The following SEPTIN9 variants were observed in gnomAD, a reference collection of about 807,000 sequenced individuals.
SEPTIN9 encodes septin 9, also known as septin-9.
Under a neutral mutation model 56.6 loss-of-function variants are expected in SEPTIN9, and 13 were observed. The ratio of observed to expected loss-of-function variants is 0.23; its 90% CI spans 0.15 to 0.37. The LOEUF (loss-of-function observed/expected upper bound fraction) is 0.37, where lower values mean the gene tolerates loss of function less well. Among genes scored for constraint, SEPTIN9 ranks in the 10% least tolerant of loss-of-function variants. The pLI is 1.00. For missense variants in SEPTIN9, 650 were observed against 823.1 expected (o/e 0.79, Z 2.57); for synonymous variants, 332 against 334.1 (o/e 0.99, Z 0.07).
At chr17:77,353,635 G>A (rs540957700) in intron 2 of SEPTIN9, among the ~76,000 whole-genome samples, 6 of 152,224 alleles carry the variant, frequency 3.9e-5, no homozygotes, top group Non-Finnish European at 7.4e-5. Flanking sequence ...GTCTACTAGA[G>A]GGGCCTCCAG....
chr17:77,288,195 T>C, intron 1 of SEPTIN9: 1 of 1,054,376 alleles, frequency 9.5e-7, no homozygotes, highest in Non-Finnish European at 1.1e-6. Flanking sequence ...GGGATGTGGC[T>C]TCAGTCTCTG....
rs972467582 is a variant in SEPTIN9 at position 77,330,460 on chromosome 17, C to T, written c.76+23263C>T. 6.6e-6 allele frequency among the ~76,000 whole-genome samples: 1 copy of T among 152,212 alleles called. No individual in the cohort carries two copies. The highest frequency in any genetic ancestry group is 2.4e-5 in the African/African-American group (1 of 41,448). On this transcript the variant is annotated intron_variant, in intron 2 of 11. Coordinates refer to ENST00000427177, the MANE Select transcript of SEPTIN9 (RefSeq NM_001113491.2). The surrounding 1 kb of genome is among the most constrained non-coding windows in gnomAD (Gnocchi z 4.4). ...AATCTCACCAGCTCCTGAGTTTTGG[C>T]GCTGCTCTTGGCGATGGCGTGGACT...
intron 3 of SEPTIN9, chr17:77,454,422 C>T (rs1053412441): frequency 8.9e-5 from 87 of 972,568 alleles, no homozygotes; most frequent in Non-Finnish European, 1.0e-4. Flanking sequence ...GGAGGGCTCC[C>T]GAGGGTGGCG....
intron 2 of SEPTIN9, among the ~76,000 whole-genome samples, chr17:77,339,261 G>C (rs996757375): frequency 3.9e-5 from 6 of 152,220 alleles, no homozygotes; most frequent in Admixed American, 3.3e-4. Context: ...AATTTACTTT[G>C]CCCAGATCCA....
chr17:77,480,060 G>A (rs549615574), intron 3 of SEPTIN9, among the ~76,000 whole-genome samples: 5 of 152,306 alleles, frequency 3.3e-5, no homozygotes, highest in Non-Finnish European at 7.4e-5. Context: ...CTTCCAGGCT[G>A]CGTGGCCTGG....
intron 1 of SEPTIN9, among the ~76,000 whole-genome samples, chr17:77,282,867 C>T (rs2031095386): frequency 6.6e-6 from 1 of 152,184 alleles, no homozygotes; most frequent in Admixed American, 6.5e-5. Flanking sequence ...GTGGGGATCG[C>T]GCGGTGCATG....
At chr17:77,307,336 C>T (rs1172369997) in intron 2 of SEPTIN9, 139 bp downstream of exon 2, 22 of 823,904 alleles carry the variant, frequency 2.7e-5, no homozygotes, top group South Asian at 1.8e-4. Flanking sequence ...CCCAGGGAGA[C>T]GCAGTCTTTG....
At chr17:77,477,124 C>T (rs2039246318) in intron 3 of SEPTIN9, among the ~76,000 whole-genome samples, 1 of 151,356 alleles carries the variant, frequency 6.6e-6, no homozygotes, top group Non-Finnish European at 1.5e-5. Flanking sequence ...CCTTCCCCCT[C>T]CCTCCTTCCC....
Position 77,319,581 on chromosome 17 carries a change from G to A in SEPTIN9, c.76+12384G>A. The A allele has an allele frequency of 9.4e-7, 1 of 1,059,282 alleles. No individual in the cohort carries two copies. Among genetic ancestry groups the A allele is most frequent in the Non-Finnish European group, 1.1e-6 (1 of 875,560 alleles). 65.6% of individuals were successfully genotyped at this position (1,059,282 alleles called of 1,614,324 possible). A position where few individuals can be genotyped will look rare whatever the true frequency, so the allele number is the denominator to read the frequency against. ...TTCTCAGGGTTCCTCCTGGGCAGGT[G>A]CTCCGGAACCTTTTCTCAGCACGCT... On this transcript the variant is annotated intron_variant, in intron 2 of 11. Transcript: ENST00000427177. This position sits in a 1 kb window ranked among gnomAD's most constrained non-coding sequence, Gnocchi z 5.3.
At chr17:77,385,599 A>G (rs2035309177) in intron 2 of SEPTIN9, among the ~76,000 whole-genome samples, 1 of 152,116 alleles carries the variant, frequency 6.6e-6, no homozygotes, top group Admixed American at 6.5e-5. Context: ...ACATCACCCA[A>G]CCTAATCTCC....
chr17:77,411,391 CTTTTTCT>C (rs1307960123), intron 3 of SEPTIN9, among the ~76,000 whole-genome samples: 1 of 139,558 alleles, frequency 7.2e-6, no homozygotes. Flanking sequence ...GTTCCTTTTT[CTTTTTCT>C]TTTTTTTTTT....
In SEPTIN9 at chr17:77,319,050, A is replaced by G. The variant is rs1214208615; in HGVS notation, c.76+11853A>G. ...GCGGCCACGCGTCCTCCCTTTCTCA[A>G]CAGAAGCTGACAGTCTGGAGTTTTC... On this transcript the variant is annotated intron_variant, in intron 2 of 11. Transcript: ENST00000427177. This position sits in a 1 kb window ranked among gnomAD's most constrained non-coding sequence, Gnocchi z 5.3. Among the ~76,000 whole-genome samples, 1 of 152,192 alleles carries G rather than the reference A, an allele frequency of 6.6e-6. No individual in the cohort carries two copies. The highest frequency in any genetic ancestry group is 1.5e-5 in the Non-Finnish European group (1 of 68,026).
intron 2 of SEPTIN9, among the ~76,000 whole-genome samples, chr17:77,332,305 A>AC: frequency 6.6e-6 from 1 of 151,694 alleles, no homozygotes; most frequent in East Asian, 1.9e-4. Context: ...AACCACAAAA[A>AC]AGAAACCATG....
At chr17:77,489,441 T>A (rs1013718649) in intron 7 of SEPTIN9, among the ~76,000 whole-genome samples, 2 of 152,130 alleles carry the variant, frequency 1.3e-5, no homozygotes, top group Non-Finnish European at 2.9e-5. Flanking sequence ...GGACTCTTCA[T>A]GGCCTCACGG....
chr17:77,410,791 C>T (rs2036268922), intron 3 of SEPTIN9, among the ~76,000 whole-genome samples: 1 of 152,228 alleles, frequency 6.6e-6, no homozygotes, highest in Admixed American at 6.5e-5. Context: ...CCCTGGGCAG[C>T]ACCTCATGCC....
At chr17:77,332,294 A>AAACAC (rs2033395462) in intron 2 of SEPTIN9, among the ~76,000 whole-genome samples, 1 of 100,248 alleles carries the variant, frequency 1.0e-5, no homozygotes, top group Admixed American at 1.2e-4. Flanking sequence ...AAACAAAACA[A>AAACAC]AACCACAAAA....
intron 2 of SEPTIN9, among the ~76,000 whole-genome samples, chr17:77,388,481 A>AT (rs1318066623): frequency 6.6e-6 from 1 of 152,194 alleles, no homozygotes; most frequent in African/African-American, 2.4e-5. Flanking sequence ...AACCAGGCAG[A>AT]TCCGTGTAGG....
intron 2 of SEPTIN9, among the ~76,000 whole-genome samples, chr17:77,332,044 GGTA>G (rs2033385722): frequency 6.6e-6 from 1 of 152,122 alleles, no homozygotes. Context: ...GGGAGGTTGA[GGTA>G]GGAGGATCAC....
chr17:77,416,985 C>A (rs2036529626), intron 3 of SEPTIN9, among the ~76,000 whole-genome samples: 1 of 152,190 alleles, frequency 6.6e-6, no homozygotes, highest in Non-Finnish European at 1.5e-5. Context: ...ATAGTCCCAG[C>A]CTTCTCGAGG....
Sources: gnomAD v4.1 joint callset for allele counts (sites outside exome capture counted in the v4.1 genomes callset) on GRCh38, gnomAD v4.1.1 for gene constraint, Gnocchi (gnomAD v3.1) non-coding constraint, MANE v1.5 for transcripts, NCBI Gene and HGNC (gene_info 2026-07-23, HGNC 2026-07-21) for gene names.